The following SPG11 variants were observed in gnomAD, a reference collection of about 807,000 sequenced individuals.
SPG11 encodes the protein spatacsin.
Under a neutral mutation model 274.0 loss-of-function variants are expected in SPG11, and 222 were observed. The ratio of observed to expected loss-of-function variants is 0.81; its 90% CI spans 0.73 to 0.91. The LOEUF (loss-of-function observed/expected upper bound fraction) is 0.91. SPG11 is among the 40% of genes least tolerant of loss of function. The probability of loss-of-function intolerance (pLI) is 0.00; values close to 1 mark genes in which losing one functional copy is unlikely to be tolerated. For synonymous variants in SPG11, 1,144 were observed against 1,039.7 expected (o/e 1.10, Z -1.93); for missense variants, 3,114 against 2,872.7 (o/e 1.08, Z -1.92).
intron 30 of SPG11, among the ~76,000 whole-genome samples, chr15:44,578,834 A>G (rs2082600285): frequency 6.6e-6 from 1 of 152,230 alleles, no homozygotes; most frequent in Non-Finnish European, 1.5e-5. Context: ...AGTCTCAAAT[A>G]GTGTATTTTA....
chr15:44,569,347 C>A (rs370900058), intron 35 of SPG11, 51 bp downstream of exon 35: 11 of 1,315,530 alleles, frequency 8.4e-6, no homozygotes, highest in African/African-American at 5.8e-5. Flanking sequence ...GCTGAGGCTC[C>A]TGAATTATCA....
At chr15:44,566,792 C>CGGG (rs1274283026) in intron 36 of SPG11, among the ~76,000 whole-genome samples, 1 of 152,072 alleles carries the variant, frequency 6.6e-6, no homozygotes, top group Non-Finnish European at 1.5e-5. Context: ...CTCCGCCTCC[C>CGGG]GGGTTCAAGT....
chr15:44,574,050 C>G (rs1257193177), intron 31 of SPG11, among the ~76,000 whole-genome samples: 2 of 152,238 alleles, frequency 1.3e-5, no homozygotes, highest in Non-Finnish European at 2.9e-5. Context: ...GTTGCCCAGG[C>G]TGAAGTGCAA....
At chr15:44,584,625 C>A (rs2082720937) in intron 29 of SPG11, 67 bp from the exon 30 acceptor site, 2 of 1,560,370 alleles carry the variant, frequency 1.3e-6, no homozygotes, top group South Asian at 2.2e-5. Context: ...TGCTAATGTT[C>A]CCTAAGTATA....
intron 28 of SPG11, among the ~76,000 whole-genome samples, chr15:44,586,235 C>A (rs985843607): frequency 6.6e-6 from 1 of 151,970 alleles, no homozygotes; most frequent in Non-Finnish European, 1.5e-5. Context: ...AACTATTTTT[C>A]TACTCTGGTT....
At chr15:44,644,252 G>C (rs1164798062) in intron 7 of SPG11, among the ~76,000 whole-genome samples, 1 of 151,832 alleles carries the variant, frequency 6.6e-6, no homozygotes, top group Non-Finnish European at 1.5e-5. Flanking sequence ...GAATCAAGTA[G>C]GCTTTATCCC....
chr15:44,641,551 C>T (rs1331973657), intron 7 of SPG11, among the ~76,000 whole-genome samples: 2 of 145,564 alleles, frequency 1.4e-5, no homozygotes, highest in Non-Finnish European at 3.0e-5. Context: ...AAAACTTGAA[C>T]GGTTACTTAT....
chr15:44,632,773 G>A (rs955205645), intron 8 of SPG11, among the ~76,000 whole-genome samples: 4 of 152,048 alleles, frequency 2.6e-5, no homozygotes, highest in African/African-American at 4.8e-5. Flanking sequence ...CCCCTAAAGT[G>A]TTAGGATTAC....
rs772320618 is a variant in SPG11 at position 44,622,811 on chromosome 15, A to G, written c.2245-12T>C. 1 of 1,607,580 alleles carries G rather than the reference A, an allele frequency of 6.2e-7. No homozygotes were observed. The highest frequency in any genetic ancestry group is 1.1e-5 in the South Asian group (1 of 90,984). Reference sequence around the variant, plus strand: ...TTTACATCAAACCCCTAAAATAAACATAGAAAACCAAAAAAAGTTACATTT... The same window carrying G: ...TTTACATCAAACCCCTAAAATAAACGTAGAAAACCAAAAAAAGTTACATTT... On this transcript the variant is annotated splice_polypyrimidine_tract_variant and intron_variant, in intron 11 of 39. Coordinates refer to ENST00000261866, the MANE Select transcript of SPG11 (RefSeq NM_025137.4).
At chr15:44,652,339 G>A in intron 4 of SPG11, 73 bp from the exon 5 acceptor site, 1 of 1,500,784 alleles carries the variant, frequency 6.7e-7, no homozygotes. Flanking sequence ...TACTGCTCCT[G>A]TTAAAAATAA....
In SPG11 at chr15:44,563,282, T is replaced by C. The variant is rs2082232303; in HGVS notation, c.7171A>G (p.Thr2391Ala). Residue 2391 changes from threonine to alanine, a missense_variant, in exon 40 of 40, where the codon ACT becomes GCT. Physicochemically the swap from Thr to Ala is moderately conservative, Grantham distance 58. Coordinates refer to ENST00000261866, the MANE Select transcript of SPG11 (RefSeq NM_025137.4). ...ISKKYKQHQP[T>A]DMVMENLKKL... Reference sequence around the variant, plus strand: ...TTCAGGTTTTCCATGACCATGTCAGTAGGCTGATGTTGTTTATATCTAGAT... The same window carrying C: ...TTCAGGTTTTCCATGACCATGTCAGCAGGCTGATGTTGTTTATATCTAGAT... 1.2e-6 allele frequency: 2 copies of C among 1,613,356 alleles called. No individual in the cohort carries two copies. Among genetic ancestry groups the C allele is most frequent in the Non-Finnish European group, 1.7e-6 (2 of 1,179,442 alleles).
chr15:44,583,547 C>T (rs984132657), intron 30 of SPG11, among the ~76,000 whole-genome samples: 4 of 152,168 alleles, frequency 2.6e-5, no homozygotes, highest in South Asian at 2.1e-4. Context: ...ATTAAATTTA[C>T]AGATGTATAG....
chr15:44,579,191 A>G (rs1262195185), intron 30 of SPG11, among the ~76,000 whole-genome samples: 1 of 151,442 alleles, frequency 6.6e-6, no homozygotes, highest in Non-Finnish European at 1.5e-5. Flanking sequence ...AAAAACCCAA[A>G]ATGTCCAGAT....
At chr15:44,660,205 ATTT>A (rs1265510591) in intron 2 of SPG11, among the ~76,000 whole-genome samples, 3 of 152,168 alleles carry the variant, frequency 2.0e-5, no homozygotes, top group Admixed American at 6.6e-5. Context: ...AAATTGAGAT[ATTT>A]TATTTTTAGT....
intron 8 of SPG11, among the ~76,000 whole-genome samples, chr15:44,630,632 T>C (rs1595900788): frequency 6.6e-6 from 1 of 152,178 alleles, no homozygotes; most frequent in African/African-American, 2.4e-5. Flanking sequence ...CAGGCTGGAA[T>C]GGAATGGAGC....
chr15:44,584,971 T>C (rs1055240565), intron 29 of SPG11, among the ~76,000 whole-genome samples: 7 of 152,136 alleles, frequency 4.6e-5, no homozygotes, highest in African/African-American at 1.7e-4. Context: ...AGAACAGAGA[T>C]TTGGCTACAG....
intron 35 of SPG11, among the ~76,000 whole-genome samples, chr15:44,568,590 AACAAG>A (rs1445765289): frequency 6.6e-6 from 1 of 152,190 alleles, no homozygotes; most frequent in Admixed American, 6.5e-5. Context: ...CCAAGACTTA[AACAAG>A]TCAGGCCTTT....
At chr15:44,651,305 G>C (rs374664913) in intron 6 of SPG11, among the ~76,000 whole-genome samples, 186 bp downstream of exon 6, 2 of 151,986 alleles carry the variant, frequency 1.3e-5, no homozygotes, top group Non-Finnish European at 2.9e-5. Flanking sequence ...CATTTAGCTG[G>C]GCAGAAATGA....
Position 44,651,536 on chromosome 15 carries a change from G to C in SPG11, c.1411C>G (p.Pro471Ala), listed in dbSNP as rs2084776183. Residue 471 changes from proline (P) to alanine (A), a missense_variant, in exon 6 of 40, where the codon CCT becomes GCT. Physicochemically the swap from Pro to Ala is conservative, Grantham distance 27. Transcript: ENST00000261866. ...TGCTGGTCTCCACTACTGTCTACAG[G>C]AATACACTTTGTGCCAAGGGAAAAA... ...QCFSLGTKCIPVDSSGDQQLC... is the reference protein window; with the variant it reads ...QCFSLGTKCIAVDSSGDQQLC... The C allele has an allele frequency of 6.2e-7, 1 of 1,614,016 alleles. No homozygotes were observed. The highest frequency in any genetic ancestry group is 8.5e-7 in the Non-Finnish European group (1 of 1,180,010).
Sources: allele counts gnomAD v4.1 joint callset (sites outside exome capture counted in the v4.1 genomes callset), GRCh38; gene constraint gnomAD v4.1.1; transcripts MANE v1.5; gene names NCBI Gene and HGNC (gene_info 2026-07-23, HGNC 2026-07-21).